NEK11: variants seen among roughly 807,000 people sequenced by gnomAD.
The protein encoded by NEK11 is NIMA related kinase 11, also known as serine/threonine-protein kinase Nek11.
In NEK11, 72 loss-of-function variants were observed where a neutral mutation model predicts 80.7. The observed-to-expected ratio is 0.89, with a 90% CI of 0.74 to 1.08. The LOEUF is 1.08. Among genes scored for constraint, NEK11 ranks in the 50% least tolerant of loss-of-function variants. The pLI, the probability that NEK11 is intolerant of heterozygous loss-of-function variation, is 0.00. For synonymous variants in NEK11, 251 were observed against 260.7 expected, an observed-to-expected ratio of 0.96 and a Z score of 0.36; for missense variants, 764 against 763.6, an observed-to-expected ratio of 1.00 and a Z score of -0.01.
chr3:131,280,997 AG>A (rs1324116953), intron 17 of NEK11, among the ~76,000 whole-genome samples: 1 of 152,190 alleles, frequency 6.6e-6, no homozygotes, highest in African/African-American at 2.4e-5. Context: ...GTGAGCCCCA[AG>A]TACTATTCTC....
At chr3:131,232,979 GGGAAGGAA>G (rs55987547) in intron 15 of NEK11, among the ~76,000 whole-genome samples, 26,050 of 132,466 alleles carry the variant, frequency 0.2, 2,707 homozygotes, top group South Asian at 0.28. Flanking sequence ...TATATTTGAG[GGGAAGGAA>G]GGAAGGAAGG....
chr3:131,219,259 T>C (rs1382965395), intron 14 of NEK11, among the ~76,000 whole-genome samples: 1 of 152,166 alleles, frequency 6.6e-6, no homozygotes, highest in Non-Finnish European at 1.5e-5. Context: ...TGGATGAAGC[T>C]AGAAACCATC....
intron 17 of NEK11, among the ~76,000 whole-genome samples, chr3:131,275,676 A>G (rs1471091766): frequency 1.1e-4 from 16 of 152,206 alleles, no homozygotes; most frequent in Non-Finnish European, 2.9e-5. Flanking sequence ...GCAAATCTGC[A>G]TGTCTTTTGA....
intron 16 of NEK11, among the ~76,000 whole-genome samples, chr3:131,254,677 T>C (rs2095770999): frequency 6.6e-6 from 1 of 152,108 alleles, no homozygotes; most frequent in Admixed American, 6.6e-5. Context: ...ATAAATATAG[T>C]TTACCAAGGA....
At chr3:131,204,616 C>G (rs76661430) in intron 14 of NEK11, among the ~76,000 whole-genome samples, 1 of 150,168 alleles carries the variant, frequency 6.7e-6, no homozygotes, top group Admixed American at 6.6e-5. Flanking sequence ...TCACAGGTGT[C>G]TTCTGTATTG....
At chr3:131,238,307 C>T (rs774556437) in intron 15 of NEK11, among the ~76,000 whole-genome samples, 48 of 152,246 alleles carry the variant, frequency 3.2e-4, no homozygotes, top group Non-Finnish European at 5.7e-4. Flanking sequence ...TCTTTTATGG[C>T]CTGTCTCCCT....
At chr3:131,045,466 C>T (rs974876083) in intron 3 of NEK11, among the ~76,000 whole-genome samples, 3 of 152,058 alleles carry the variant, frequency 2.0e-5, no homozygotes, top group African/African-American at 7.2e-5. Flanking sequence ...TTTGAGAGTT[C>T]CTTTTGGAGT....
Position 131,130,212 on chromosome 3 carries a change from T to C in NEK11, c.456-2533T>C, listed in dbSNP as rs137988642. Among the ~76,000 whole-genome samples the C allele has an allele frequency of 6.9e-3, 1,050 of 152,342 alleles. 3 individuals are homozygous for C. Among genetic ancestry groups the C allele is most frequent in the Non-Finnish European group, 0.011 (735 of 68,016 alleles). The stretch of plus-strand genomic sequence containing the variant: ...GGGTACTAATGTAAATATAGTTTGA[T>C]ATAAATGTCAAATTCTACTTGTTCA... On this transcript the variant is annotated intron_variant, in intron 5 of 17. Transcript: ENST00000383366.
intron 13 of NEK11, among the ~76,000 whole-genome samples, chr3:131,170,478 G>A (rs1420357760): frequency 6.6e-6 from 1 of 152,174 alleles, no homozygotes; most frequent in African/African-American, 2.4e-5. Flanking sequence ...CCCCTCAGCT[G>A]TCAATGGAGT....
At chr3:131,177,370 G>A (rs1233565059) in intron 14 of NEK11, among the ~76,000 whole-genome samples, 1 of 152,132 alleles carries the variant, frequency 6.6e-6, no homozygotes, top group Non-Finnish European at 1.5e-5. Context: ...TGTATTAAGT[G>A]AGACAACATG....
intron 10 of NEK11, among the ~76,000 whole-genome samples, 175 bp from the exon 11 acceptor site, chr3:131,162,230 CTTA>C (rs1376822228): frequency 6.6e-6 from 1 of 152,158 alleles, no homozygotes; most frequent in Non-Finnish European, 1.5e-5. Context: ...AAAAATGTTG[CTTA>C]TTAACTACAG....
intron 14 of NEK11, among the ~76,000 whole-genome samples, chr3:131,214,695 A>ATG (rs57370577): frequency 0.45 from 66,089 of 147,416 alleles, 15,982 homozygotes; most frequent in Middle Eastern, 0.65. Flanking sequence ...ATGTGCGTGC[A>ATG]TGTGTGTGTG....
intron 4 of NEK11, among the ~76,000 whole-genome samples, chr3:131,080,953 T>TA (rs1041071568): frequency 6.6e-6 from 1 of 151,702 alleles, no homozygotes; most frequent in African/African-American, 2.4e-5. Flanking sequence ...TACAGAAAAT[T>TA]AAAAAAATTA....
chr3:131,178,226 G>A (rs2093146539), intron 14 of NEK11, among the ~76,000 whole-genome samples: 1 of 152,114 alleles, frequency 6.6e-6, no homozygotes, highest in Non-Finnish European at 1.5e-5. Context: ...ATTCACTACT[G>A]TTTACTACTG....
chr3:131,236,076 C>T (rs1244767181), intron 15 of NEK11, among the ~76,000 whole-genome samples: 1 of 152,168 alleles, frequency 6.6e-6, no homozygotes, highest in Non-Finnish European at 1.5e-5. Flanking sequence ...CTGCAATAAA[C>T]AACTGTGTAT....
At chr3:131,180,030 C>G (rs7426714) in intron 14 of NEK11, among the ~76,000 whole-genome samples, 2,544 of 152,258 alleles carry the variant, frequency 0.017, 66 homozygotes, top group African/African-American at 0.058. Flanking sequence ...CAGATATTCC[C>G]TGTGCAGTGA....
intron 17 of NEK11, among the ~76,000 whole-genome samples, chr3:131,290,908 A>G (rs1035787560): frequency 6.6e-6 from 1 of 152,190 alleles, no homozygotes; most frequent in Non-Finnish European, 1.5e-5. Flanking sequence ...AAGATGGTAC[A>G]TTTGTTGCAA....
rs573723698 is a variant in NEK11 at position 131,201,549 on chromosome 3, C to A, written c.1400-26979C>A. ...ACAGAAATGTGCCTCTCCTTTTACC[C>A]AGCATTTTCTTGTAGTAGTTTATCA... On this transcript the variant is annotated intron_variant, in intron 14 of 17. Transcript: ENST00000383366. Among the ~76,000 whole-genome samples the A allele has an allele frequency of 4.0e-4, 61 of 152,232 alleles. No individual in the cohort carries two copies. The South Asian group carries it at 0.013, about 32-fold the overall frequency.
chr3:131,159,765 C>CAA (rs112766226), intron 10 of NEK11, among the ~76,000 whole-genome samples: 142 of 150,414 alleles, frequency 9.4e-4, no homozygotes, highest in Middle Eastern at 3.4e-3. Flanking sequence ...ACTCCATCTC[C>CAA]AAAAAAAAAG....
Sources: gnomAD v4.1 joint callset for allele counts (sites outside exome capture counted in the v4.1 genomes callset) on GRCh38, gnomAD v4.1.1 for gene constraint, MANE v1.5 for transcripts, NCBI Gene and HGNC (gene_info 2026-07-23, HGNC 2026-07-21) for gene names.